ATF3: variants seen among roughly 807,000 people sequenced by gnomAD.
ATF3 encodes the protein cyclic AMP-dependent transcription factor ATF-3.
In ATF3, 10 loss-of-function variants were observed where a neutral mutation model predicts 18.4. That is an observed-to-expected ratio of 0.54 (90% CI 0.34 to 0.92). ATF3 has a LOEUF of 0.92. Ranked by LOEUF, ATF3 falls within the 40% of genes least tolerant of loss-of-function variation. ATF3 has a pLI of 0.02. For missense variants in ATF3, 183 were observed against 222.3 expected, an observed-to-expected ratio of 0.82 and a Z score of 1.12; for synonymous variants, 78 against 87.9, an observed-to-expected ratio of 0.89 and a Z score of 0.63.
intron 1 of ATF3, among the ~76,000 whole-genome samples, chr1:212,603,548 T>C (rs187854985): frequency 6.6e-6 from 1 of 152,324 alleles, no homozygotes; most frequent in Non-Finnish European, 1.5e-5. Context: ...TGGTATTTGA[T>C]ATCCTTTCTC....
chr1:212,590,809 T>C (rs983280975), intron 1 of ATF3, among the ~76,000 whole-genome samples: 1 of 152,152 alleles, frequency 6.6e-6, no homozygotes, highest in Non-Finnish European at 1.5e-5. Context: ...CGAGTTAGCG[T>C]TGGATATGGG....
At chr1:212,605,821 T>A (rs369097234), upstream of ATF3, among the ~76,000 whole-genome samples, 95 of 152,326 alleles carry the variant, frequency 6.2e-4, 2 homozygotes, top group South Asian at 0.019. Flanking sequence ...CTGATCTGAA[T>A]GTGGATTCCC....
chr1:212,594,725 C>T (rs753462126), intron 1 of ATF3, among the ~76,000 whole-genome samples: 4 of 152,182 alleles, frequency 2.6e-5, no homozygotes, highest in Non-Finnish European at 5.9e-5. Context: ...GGAGATGAAG[C>T]GCCCCGCCTG....
At position 212,567,397 on chromosome 1, in the gene ATF3, G is replaced by T. The variant is rs1453286125; in HGVS notation, c.-5+1914G>T. On this transcript the variant is annotated intron_variant, in intron 1 of 3. Transcript: ENST00000366981. Reference sequence around the variant, plus strand: ...ACCAGCTGCTGTTAACAGCTGCAATGAGTGAAGAAATAAGAAAATGCTCTC... The same window carrying T: ...ACCAGCTGCTGTTAACAGCTGCAATTAGTGAAGAAATAAGAAAATGCTCTC... 3.9e-5 allele frequency among the ~76,000 whole-genome samples: 6 copies of T among 152,312 alleles called. No homozygotes were observed. The East Asian group carries it at 1.2e-3, about 29-fold the overall frequency.
chr1:212,567,433 G>A (rs1377155673), intron 1 of ATF3, among the ~76,000 whole-genome samples: 1 of 152,186 alleles, frequency 6.6e-6, no homozygotes, highest in South Asian at 2.1e-4. Flanking sequence ...AGGAAAAACA[G>A]CCCTTCTCTC....
chr1:212,617,546 G>A (rs865819537), intron 2 of ATF3, among the ~76,000 whole-genome samples: 9 of 152,320 alleles, frequency 5.9e-5, no homozygotes, highest in South Asian at 4.1e-4. Flanking sequence ...AGCATGGGCC[G>A]ATTAATGCCG....
chr1:212,608,919 C>T lies in ATF3; in HGVS notation c.-16C>T. 1 of 152,558 alleles carries T rather than the reference C, an allele frequency of 6.6e-6. No homozygotes were observed. The highest frequency in any genetic ancestry group is 1.5e-5 in the Non-Finnish European group (1 of 68,296). The allele number at this position is 152,558 out of a possible 1,614,324, so 9.5% of individuals were successfully genotyped here. A position where few individuals can be genotyped will look rare whatever the true frequency, so the allele number is the denominator to read the frequency against. On this transcript the variant is annotated 5_prime_UTR_variant, in exon 1 of 4. Transcript: ENST00000341491. Reference sequence around the variant, plus strand: ...CCGTCCCGACCCTGGCCGCCCCGAGCGGAGCCTGGAGGTGAGCGCTGGAAG... The same window carrying T: ...CCGTCCCGACCCTGGCCGCCCCGAGTGGAGCCTGGAGGTGAGCGCTGGAAG...
At chr1:212,584,593 AG>A (rs1450762128) in intron 1 of ATF3, among the ~76,000 whole-genome samples, 1 of 152,178 alleles carries the variant, frequency 6.6e-6, no homozygotes, top group East Asian at 1.9e-4. Context: ...CCTACCTACA[AG>A]GGGGAGGACG....
At chr1:212,610,216 G>A (rs540048598) in intron 1 of ATF3, among the ~76,000 whole-genome samples, 11 of 152,056 alleles carry the variant, frequency 7.2e-5, no homozygotes, top group Non-Finnish European at 1.6e-4. Flanking sequence ...TCATTGCATA[G>A]GTCACATATG....
chr1:212,579,236 T>C (rs1341396944), intron 1 of ATF3, among the ~76,000 whole-genome samples: 1 of 152,062 alleles, frequency 6.6e-6, no homozygotes, highest in Non-Finnish European at 1.5e-5. Flanking sequence ...GGTCTCAAAC[T>C]CCTGACCTCA....
chr1:212,612,957 T>C lies in ATF3; in HGVS notation c.-4-2061T>C, dbSNP rs1654957767. ...GAATGTTTTCCAGGGCATATTCATG[T>C]ATTAGTTCCTCAATTCCTCATAGGA... On this transcript the variant is annotated intron_variant, in intron 1 of 3. Transcript: ENST00000341491. 2.0e-5 allele frequency among the ~76,000 whole-genome samples: 3 copies of C among 152,226 alleles called. No homozygotes were observed. In the East Asian group the frequency reaches 5.8e-4, roughly 29 times the overall value.
At position 212,618,772 on chromosome 1, in the gene ATF3, G is replaced by A. The variant is rs1655241958; in HGVS notation, c.348+538G>A. The stretch of plus-strand genomic sequence containing the variant: ...CAGCCGGCCCGCCTGAGAGACACTA[G>A]GGGAAATAGCTTTTGTGGGCAAGCA... On this transcript the variant is annotated intron_variant, in intron 3 of 3. Coordinates refer to ENST00000341491, the MANE Select transcript of ATF3 (RefSeq NM_001674.4). This position sits in a 1 kb window ranked among gnomAD's most constrained non-coding sequence, Gnocchi z 4.4. 1 of 543,974 alleles carries A rather than the reference G, an allele frequency of 1.8e-6. No individual in the cohort carries two copies. The allele number at this position is 543,974 out of a possible 1,614,324, so 33.7% of individuals were successfully genotyped here.
intron 1 of ATF3, among the ~76,000 whole-genome samples, chr1:212,603,639 A>G (rs1654543533): frequency 6.6e-6 from 1 of 152,206 alleles, no homozygotes; most frequent in Non-Finnish European, 1.5e-5. Context: ...GAAATGATTA[A>G]GTAAATCATA....
intron 1 of ATF3, among the ~76,000 whole-genome samples, chr1:212,602,500 C>T (rs543202559): frequency 5.3e-5 from 8 of 152,130 alleles, no homozygotes; most frequent in South Asian, 2.1e-4. Context: ...CCAAGTTTCC[C>T]GTGAGCACTT....
chr1:212,606,835 G>A (rs1003178665), upstream of ATF3, among the ~76,000 whole-genome samples: 1 of 152,192 alleles, frequency 6.6e-6, no homozygotes, highest in Non-Finnish European at 1.5e-5. Flanking sequence ...GGGCTGCTCC[G>A]ACACGCCCGG....
chr1:212,619,185 G>C lies in ATF3; in HGVS notation c.349-173G>C. On this transcript the variant is annotated intron_variant, in intron 3 of 3. Coordinates refer to ENST00000341491, the MANE Select transcript of ATF3 (RefSeq NM_001674.4). This position sits in a 1 kb window ranked among gnomAD's most constrained non-coding sequence, Gnocchi z 4.4. Reference sequence around the variant, plus strand: ...TCACCAGGGTTTCTCTGAAGAAGAGGGTCTGCATTTTCCTAAACCCAGTGC... The same window carrying C: ...TCACCAGGGTTTCTCTGAAGAAGAGCGTCTGCATTTTCCTAAACCCAGTGC... The C allele has an allele frequency of 6.2e-7, 1 of 1,612,460 alleles. No homozygotes were observed. Among genetic ancestry groups the C allele is most frequent in the Non-Finnish European group, 8.5e-7 (1 of 1,179,804 alleles).
chr1:212,587,949 G>C (rs948625801), intron 1 of ATF3, among the ~76,000 whole-genome samples: 9 of 151,954 alleles, frequency 5.9e-5, no homozygotes, highest in Non-Finnish European at 1.2e-4. Flanking sequence ...CTGCTGGGGC[G>C]GCGGGGGTGG....
chr1:212,619,677 A>T lies in ATF3; in HGVS notation c.*122A>T. 1 of 1,399,182 alleles carries T rather than the reference A, an allele frequency of 7.1e-7. No individual in the cohort carries two copies. The highest frequency in any genetic ancestry group is 1.2e-5 in the South Asian group (1 of 80,312). The allele number at this position is 1,399,182 out of a possible 1,614,324, so 86.7% of individuals were successfully genotyped here. On this transcript the variant is annotated 3_prime_UTR_variant, in exon 4 of 4. Transcript: ENST00000341491. This position sits in a 1 kb window ranked among gnomAD's most constrained non-coding sequence, Gnocchi z 4.4. The stretch of plus-strand genomic sequence containing the variant: ...TCTAGAATCCCAGCAGCAGAGAACC[A>T]TCAAGGCGGGAGGGCCTGCAGTGAT...
intron 2 of ATF3, among the ~76,000 whole-genome samples, chr1:212,617,511 G>T (rs889127857): frequency 1.3e-5 from 2 of 152,206 alleles, no homozygotes; most frequent in Non-Finnish European, 1.5e-5. Flanking sequence ...GACTGTCCTA[G>T]TTCACCACTT....
Sources: allele counts gnomAD v4.1 joint callset (sites outside exome capture counted in the v4.1 genomes callset), GRCh38; gene constraint gnomAD v4.1.1; non-coding constraint Gnocchi (gnomAD v3.1); transcripts MANE v1.5; gene names NCBI Gene and HGNC (gene_info 2026-07-23, HGNC 2026-07-21).